Variants in PNKD observed in about 807,000 individuals in gnomAD.
The protein encoded by PNKD is PNKD metallo-beta-lactamase domain containing, also known as probable thioesterase PNKD.
A neutral mutation model predicts 45.3 loss-of-function variants in PNKD; 36 were observed. The ratio of observed to expected loss-of-function variants is 0.80; its 90% confidence interval spans 0.61 to 1.05. The LOEUF is 1.05. PNKD is among the 50% of genes least tolerant of loss of function. PNKD has a pLI of 0.00. For synonymous variants in PNKD, 197 were observed against 210.1 expected, an observed-to-expected ratio of 0.94 and a Z score of 0.54; for missense variants, 511 against 506.6, an observed-to-expected ratio of 1.01 and a Z score of -0.08.
chr2:218,306,910 T>A (rs564827814), intron 2 of PNKD, among the ~76,000 whole-genome samples: 21 of 152,314 alleles, frequency 1.4e-4, no homozygotes, highest in African/African-American at 5.1e-4. Context: ...AGTGGTTACA[T>A]CCCAATAAAC....
chr2:218,281,908 A>C (rs1692044729), intron 2 of PNKD: 2 of 1,544,186 alleles, frequency 1.3e-6, no homozygotes, highest in Non-Finnish European at 8.8e-7. Flanking sequence ...TGTCCCTCCC[A>C]CCCACCTTCC....
intron 2 of PNKD, among the ~76,000 whole-genome samples, chr2:218,320,102 TG>T (rs2106271709): frequency 6.6e-6 from 1 of 152,352 alleles, no homozygotes; most frequent in East Asian, 1.9e-4. Flanking sequence ...AGGGGCTTTG[TG>T]GGATACGGTT....
chr2:218,314,696 T>A (rs2106264621), intron 2 of PNKD, among the ~76,000 whole-genome samples: 1 of 152,116 alleles, frequency 6.6e-6, no homozygotes, highest in African/African-American at 2.4e-5. Flanking sequence ...AAGTTCGTTT[T>A]TTTTTTTCTT....
chr2:218,328,448 C>G (rs1046356865), intron 2 of PNKD, among the ~76,000 whole-genome samples: 1 of 152,326 alleles, frequency 6.6e-6, no homozygotes, highest in African/African-American at 2.4e-5. Context: ...ATGGGACACA[C>G]TAAATGTTGA....
chr2:218,306,998 A>G (rs887904086), intron 2 of PNKD, among the ~76,000 whole-genome samples: 23 of 152,250 alleles, frequency 1.5e-4, no homozygotes, highest in African/African-American at 4.3e-4. Flanking sequence ...AGCCTAGCCT[A>G]GCCTGCCTTA....
intron 2 of PNKD, chr2:218,272,968 C>T: frequency 7.0e-7 from 1 of 1,418,830 alleles, no homozygotes. Context: ...GTTTGTGAGT[C>T]CCTTGGGATG....
chr2:218,271,471 C>G lies in PNKD; in HGVS notation c.158C>G (p.Pro53Arg). ...SHSSPEGKEE[P>R]EPLSPELEYI... ...AGCTCCCCAGAGGGCAAGGAGGAAC[C>G]TGAACCCCTATCCCCGGAGCTGGAA... Residue 53 changes from proline to arginine, a missense_variant, in exon 2 of 10, where the codon CCT (proline) becomes CGT (arginine). Physicochemically the swap from Pro to Arg is moderately radical, Grantham distance 103 (BLOSUM62 -2). Transcript: ENST00000273077. 2.5e-6 allele frequency: 4 copies of G among 1,614,168 alleles called. No individual in the cohort carries two copies. Among genetic ancestry groups the G allele is most frequent in the Non-Finnish European group, 3.4e-6 (4 of 1,180,012 alleles).
intron 2 of PNKD, chr2:218,275,970 T>C: frequency 6.4e-7 from 1 of 1,572,274 alleles, no homozygotes. Flanking sequence ...CCCCCTTCCC[T>C]AGATTCCTCC....
intron 2 of PNKD, chr2:218,272,680 C>G (rs1265240576): frequency 1.2e-6 from 2 of 1,614,230 alleles, no homozygotes; most frequent in East Asian, 2.2e-5. Flanking sequence ...TTGTCCAACA[C>G]GGGCGAGTAT....
chr2:218,306,689 G>A (rs758762666), intron 2 of PNKD, among the ~76,000 whole-genome samples: 2 of 152,076 alleles, frequency 1.3e-5, no homozygotes, highest in South Asian at 2.1e-4. Flanking sequence ...CTCCCTCCCC[G>A]ACAGTTCACC....
At chr2:218,275,567 G>A in intron 2 of PNKD, 1 of 1,614,052 alleles carries the variant, frequency 6.2e-7, no homozygotes, top group Non-Finnish European at 8.5e-7. Context: ...TAGTCCTCGG[G>A]GCTGATGGTG....
intron 2 of PNKD, among the ~76,000 whole-genome samples, chr2:218,285,571 C>T (rs1310932769): frequency 2.0e-5 from 3 of 152,240 alleles, no homozygotes; most frequent in Non-Finnish European, 4.4e-5. Flanking sequence ...TGGAAAGAAA[C>T]TCACCCAAGG....
chr2:218,319,889 T>C (rs1269355190), intron 2 of PNKD, among the ~76,000 whole-genome samples: 2 of 152,222 alleles, frequency 1.3e-5, no homozygotes, highest in Non-Finnish European at 2.9e-5. Context: ...CATGGAGGGG[T>C]TGGCGTTTGA....
intron 2 of PNKD, chr2:218,279,178 C>T: frequency 1.3e-6 from 2 of 1,590,548 alleles, no homozygotes; most frequent in Non-Finnish European, 8.6e-7. Flanking sequence ...TTCACCTTCT[C>T]TAATTGCCCA....
Position 218,326,293 on chromosome 2 carries a change from T to TA in PNKD, c.237-13489dup, listed in dbSNP as rs1412125523. 6.6e-6 allele frequency among the ~76,000 whole-genome samples: 1 copy of TA among 152,154 alleles called. No homozygotes were observed. Among genetic ancestry groups the TA allele is most frequent in the Non-Finnish European group, 1.5e-5 (1 of 68,014 alleles). On this transcript the variant is annotated intron_variant, in intron 2 of 9. Transcript: ENST00000273077. The surrounding 1 kb of genome is among the most constrained non-coding windows in gnomAD (Gnocchi z 4.1). ...ATAAAAGGCTTTCCTTAACCATAAC[T>TA]ACAATTGTCTTAGGATGAGGATAGC... is the stretch of plus-strand genomic sequence containing the variant.
chr2:218,315,057 T>TCTTTCTTTCTTTCTTTCTTCCTTCCTTC lies in PNKD; in HGVS notation c.237-24723_237-24722insTCTTTCTTTCTTTCTTCCTTCCTTCCTT, dbSNP rs61429059. On this transcript the variant is annotated intron_variant, in intron 2 of 9. Coordinates refer to ENST00000273077, the MANE Select transcript of PNKD (RefSeq NM_015488.5). The stretch of plus-strand genomic sequence containing the variant: ...CTTTCTTTTTCTTTCTTTCTTTCTT[T>TCTTTCTTTCTTTCTTTCTTCCTTCCTTC]CTTCCTTCCTTCCTTCCTTTCTTTC... Among the ~76,000 whole-genome samples, 306 of 55,554 alleles carry TCTTTCTTTCTTTCTTTCTTCCTTCCTTC rather than the reference T, an allele frequency of 5.5e-3. 62 individuals carry two copies. Among genetic ancestry groups the TCTTTCTTTCTTTCTTTCTTCCTTCCTTC allele is most frequent in the Middle Eastern group, 0.02 (2 of 102 alleles). The allele number at this position is 55,554 out of a possible 152,430, so 36.4% of individuals were successfully genotyped here. A position where few individuals can be genotyped will look rare whatever the true frequency, so the allele number is the denominator to read the frequency against.
At chr2:218,301,577 AGG>A (rs1232075927) in intron 2 of PNKD, among the ~76,000 whole-genome samples, 3 of 152,174 alleles carry the variant, frequency 2.0e-5, no homozygotes, top group African/African-American at 7.2e-5. Context: ...GCTTGAGCCC[AGG>A]AGTTCGAAAC....
intron 2 of PNKD, chr2:218,279,899 G>T: frequency 2.7e-6 from 2 of 748,060 alleles, no homozygotes; most frequent in Non-Finnish European, 2.4e-6. Context: ...AGCAGACAAG[G>T]CTAGAGAAGA....
chr2:218,296,492 G>A (rs574838417), intron 2 of PNKD, among the ~76,000 whole-genome samples: 2 of 152,254 alleles, frequency 1.3e-5, no homozygotes, highest in Admixed American at 1.3e-4. Flanking sequence ...AAACTTAATT[G>A]GAGCGGTGGA....
Sources: gnomAD v4.1 joint callset for allele counts (sites outside exome capture counted in the v4.1 genomes callset) on GRCh38, gnomAD v4.1.1 for gene constraint, Gnocchi (gnomAD v3.1) non-coding constraint, MANE v1.5 for transcripts, NCBI Gene and HGNC (gene_info 2026-07-23, HGNC 2026-07-21) for gene names.